Variants in CD38 observed in about 807,000 individuals in gnomAD.
CD38 encodes ADP-ribosyl cyclase/cyclic ADP-ribose hydrolase 1.
A neutral mutation model predicts 36.3 loss-of-function variants in CD38; 31 were observed. The ratio of observed to expected loss-of-function variants is 0.85; its 90% CI spans 0.64 to 1.15. The LOEUF (loss-of-function observed/expected upper bound fraction) is 1.15. Among genes scored for constraint, CD38 ranks in the 50% most tolerant of loss-of-function variants. The probability of loss-of-function intolerance (pLI) is 0.00; values close to 1 mark genes in which losing one functional copy is unlikely to be tolerated. For synonymous variants in CD38, 131 were observed against 135.2 expected (o/e 0.97, Z 0.22); for missense variants, 380 against 371.9 (o/e 1.02, Z -0.18).
intron 7 of CD38, among the ~76,000 whole-genome samples, chr4:15,841,159 A>AC (rs1406469964): frequency 1.3e-5 from 2 of 152,138 alleles, no homozygotes; most frequent in African/African-American, 4.8e-5. Context: ...CAAAACTGAG[A>AC]CCCCTCACTC....
chr4:15,818,836 C>T (rs1206234709), intron 2 of CD38, among the ~76,000 whole-genome samples: 2 of 152,180 alleles, frequency 1.3e-5, no homozygotes, highest in African/African-American at 4.8e-5. Context: ...AAAGACCCCA[C>T]AAAAACCCAT....
chr4:15,850,187 T>C lies in CD38; in HGVS notation c.*1585T>C, dbSNP rs1486223868. 1 of 152,218 alleles carries C rather than the reference T, an allele frequency of 6.6e-6. No homozygotes were observed. Among genetic ancestry groups the C allele is most frequent in the Non-Finnish European group, 1.5e-5 (1 of 68,074 alleles). 9.4% of individuals were successfully genotyped at this position (152,218 alleles called of 1,614,324 possible). Reference sequence around the variant, plus strand: ...GGTGTTGTGCACCTGTAGTCCCAGCTACTCTGGAGACTGAGGTGGGAGGAT... The same window carrying C: ...GGTGTTGTGCACCTGTAGTCCCAGCCACTCTGGAGACTGAGGTGGGAGGAT... On this transcript the variant is annotated 3_prime_UTR_variant, in exon 8 of 8. Transcript: ENST00000226279.
At chr4:15,817,448 G>A (rs981391813) in intron 2 of CD38, among the ~76,000 whole-genome samples, 1 of 152,200 alleles carries the variant, frequency 6.6e-6, no homozygotes, top group Admixed American at 6.5e-5. Flanking sequence ...TTCACTAGGC[G>A]TGATGCCCTA....
intron 7 of CD38, among the ~76,000 whole-genome samples, chr4:15,841,718 C>T (rs980830479): frequency 6.7e-6 from 1 of 148,816 alleles, no homozygotes; most frequent in Admixed American, 6.6e-5. Context: ...GTGCGCGAGC[C>T]GAAGCAGGGC....
chr4:15,840,568 G>T, intron 7 of CD38, 30 bp downstream of exon 7: 5 of 1,282,222 alleles, frequency 3.9e-6, no homozygotes, highest in South Asian at 1.2e-5. Flanking sequence ...AGAAAAAAAT[G>T]ACTGTCTTGT....
At position 15,828,375 on chromosome 4, in the gene CD38, A is replaced by G. The variant is rs114227561; in HGVS notation, c.499+3359A>G. On this transcript the variant is annotated intron_variant, in intron 3 of 7. Transcript: ENST00000226279. Reference sequence around the variant, plus strand: ...AGTTTACTGTCTTAGCAATGTTGAAATGTACAGCACACTATTATTAACTAC... The same window carrying G: ...AGTTTACTGTCTTAGCAATGTTGAAGTGTACAGCACACTATTATTAACTAC... 3.4e-3 allele frequency among the ~76,000 whole-genome samples: 514 copies of G among 152,288 alleles called. 5 individuals carry two copies. Among genetic ancestry groups the G allele is most frequent in the African/African-American group, 0.012 (489 of 41,550 alleles).
chr4:15,823,065 A>G (rs191867268), intron 2 of CD38, among the ~76,000 whole-genome samples: 96 of 152,334 alleles, frequency 6.3e-4, no homozygotes, highest in Non-Finnish European at 3.8e-4. Context: ...AAACCTGACA[A>G]AAACAAGCAA....
intron 7 of CD38, 46 bp from the exon 8 acceptor site, chr4:15,848,493 T>A (rs1373477505): frequency 6.9e-7 from 1 of 1,449,478 alleles, no homozygotes; most frequent in Admixed American, 1.7e-5. Context: ...GGACGACAGA[T>A]GTATCCTACG....
chr4:15,786,157 G>A (rs1722819829), intron 1 of CD38, among the ~76,000 whole-genome samples: 1 of 152,202 alleles, frequency 6.6e-6, no homozygotes, highest in African/African-American at 2.4e-5. Context: ...TTATTGCAAA[G>A]AGCAAAAGAA....
At chr4:15,810,418 T>C (rs1386408049) in intron 1 of CD38, among the ~76,000 whole-genome samples, 4 of 152,190 alleles carry the variant, frequency 2.6e-5, no homozygotes, top group Admixed American at 2.6e-4. Flanking sequence ...TCTGCAAAGA[T>C]GCTGCTAAGG....
At chr4:15,829,357 G>A (rs1261006195) in intron 3 of CD38, among the ~76,000 whole-genome samples, 2 of 152,030 alleles carry the variant, frequency 1.3e-5, no homozygotes, top group African/African-American at 4.8e-5. Flanking sequence ...TTTATCTTTT[G>A]TGTTACAAAC....
chr4:15,801,742 TC>T (rs1321042334), intron 1 of CD38, among the ~76,000 whole-genome samples: 1 of 152,052 alleles, frequency 6.6e-6, no homozygotes, highest in Admixed American at 6.6e-5. Context: ...AAATTCAACA[TC>T]CCTCCATGAT....
Position 15,850,417 on chromosome 4 carries a change from C to T in CD38, c.*1815C>T, listed in dbSNP as rs1348982526. ...TTGAAAATAGCCTAAATGTTGGAGTCAGGCATTTCTGGATTCATATTTTGA... is the reference window on the plus strand; with the variant it reads ...TTGAAAATAGCCTAAATGTTGGAGTTAGGCATTTCTGGATTCATATTTTGA... On this transcript the variant is annotated 3_prime_UTR_variant, in exon 8 of 8. Coordinates refer to ENST00000226279, the MANE Select transcript of CD38 (RefSeq NM_001775.4). 2.0e-5 allele frequency: 3 copies of T among 152,224 alleles called. No homozygotes were observed. The highest frequency in any genetic ancestry group is 7.2e-5 in the African/African-American group (3 of 41,456). 9.4% of individuals were successfully genotyped at this position (152,224 alleles called of 1,614,324 possible).
intron 2 of CD38, among the ~76,000 whole-genome samples, chr4:15,823,251 G>A (rs946305277): frequency 6.6e-5 from 10 of 152,142 alleles, no homozygotes; most frequent in African/African-American, 2.4e-4. Context: ...AATATCATTT[G>A]GGACACAGGC....
At chr4:15,835,153 C>A (rs1350301467) in intron 4 of CD38, among the ~76,000 whole-genome samples, 1 of 151,950 alleles carries the variant, frequency 6.6e-6, no homozygotes. Flanking sequence ...AATTTTGTAT[C>A]TTTTAACAAA....
intron 5 of CD38, 111 bp downstream of exon 5, chr4:15,838,276 T>C: frequency 1.2e-6 from 1 of 864,278 alleles, no homozygotes; most frequent in Admixed American, 2.5e-5. Context: ...GTTCTGAAGA[T>C]TAGGGCCAAA....
chr4:15,834,905 A>ATTTT (rs1259562538), intron 4 of CD38, among the ~76,000 whole-genome samples: 6 of 146,252 alleles, frequency 4.1e-5, no homozygotes, highest in Middle Eastern at 3.3e-3. Context: ...TTTTTTTTAA[A>ATTTT]AAAATTGATA....
At chr4:15,787,035 C>G (rs1433585991) in intron 1 of CD38, among the ~76,000 whole-genome samples, 2 of 152,076 alleles carry the variant, frequency 1.3e-5, no homozygotes, top group African/African-American at 4.8e-5. Flanking sequence ...CAGAGTGCGG[C>G]CTGGGGAGCC....
At chr4:15,813,954 G>C (rs947965430) in intron 1 of CD38, among the ~76,000 whole-genome samples, 1 of 152,112 alleles carries the variant, frequency 6.6e-6, no homozygotes, top group Non-Finnish European at 1.5e-5. Flanking sequence ...ACTCCTTTGG[G>C]TATATACCCA....
Sources: allele counts gnomAD v4.1 joint callset (sites outside exome capture counted in the v4.1 genomes callset), GRCh38; gene constraint gnomAD v4.1.1; transcripts MANE v1.5; gene names NCBI Gene and HGNC (gene_info 2026-07-23, HGNC 2026-07-21).